The following ELF2 variants were observed in gnomAD, a reference collection of about 807,000 sequenced individuals.
ELF2 encodes E74 like ETS transcription factor 2, also known as ETS-related transcription factor Elf-2.
Under a neutral mutation model 54.8 loss-of-function variants are expected in ELF2, and 11 were observed. The observed-to-expected ratio is 0.20, with a 90% CI of 0.13 to 0.33. ELF2 has a LOEUF of 0.33. ELF2 is among the 10% of genes least tolerant of loss of function. The pLI, the probability that ELF2 is intolerant of heterozygous loss-of-function variation, is 1.00. For synonymous variants in ELF2, 203 were observed against 245.1 expected (o/e 0.83, Z 1.61); for missense variants, 513 against 703.0 (o/e 0.73, Z 3.06).
chr4:139,097,970 G>T (rs925140010), intron 4 of ELF2, among the ~76,000 whole-genome samples: 2 of 152,140 alleles, frequency 1.3e-5, no homozygotes, highest in Non-Finnish European at 2.9e-5. Context: ...AAAGCACTAG[G>T]ATTACCGGCA....
chr4:139,128,960 A>T (rs1560844031), intron 3 of ELF2, among the ~76,000 whole-genome samples: 1 of 151,698 alleles, frequency 6.6e-6, no homozygotes, highest in Non-Finnish European at 1.5e-5. Context: ...TCTTTTTTGA[A>T]ATGGAGTTTC....
At chr4:139,164,124 G>C (rs1483822444) in intron 1 of ELF2, among the ~76,000 whole-genome samples, 7 of 146,838 alleles carry the variant, frequency 4.8e-5, no homozygotes, top group Non-Finnish European at 9.0e-5. Flanking sequence ...GGAAGGGAGA[G>C]AGAGAAAGAG....
intron 1 of ELF2, among the ~76,000 whole-genome samples, chr4:139,153,071 G>C (rs764533983): frequency 1.3e-5 from 2 of 151,600 alleles, no homozygotes; most frequent in Non-Finnish European, 2.9e-5. Flanking sequence ...TGTAAAATAG[G>C]CATAATTATC....
At position 139,151,242 on chromosome 4, in the gene ELF2, A is replaced by G. The variant is rs190773581; in HGVS notation, c.-251-11745T>C. Among the ~76,000 whole-genome samples, 27 of 152,258 alleles carry G rather than the reference A, an allele frequency of 1.8e-4. No homozygotes were observed. In the East Asian group the frequency reaches 5.2e-3, roughly 29 times the overall value. On this transcript the variant is annotated intron_variant, in intron 1 of 9. Coordinates refer to ENST00000686138, the MANE Select transcript of ELF2 (RefSeq NM_001331036.3). ...ATGAAATATTCCTAAAAATCAGAAG[A>G]AAATATAGAATATCTTCATGAACTC... is the stretch of plus-strand genomic sequence containing the variant.
chr4:139,067,853 T>C (rs1283557950), intron 6 of ELF2, 83 bp from the exon 7 acceptor site: 58 of 1,307,924 alleles, frequency 4.4e-5, no homozygotes, highest in Non-Finnish European at 6.0e-5. Context: ...TGATTACACA[T>C]TATTCATTTA....
Position 139,059,615 on chromosome 4 carries a change from A to T in ELF2, c.1158-8T>A. 1 of 1,593,692 alleles carries T rather than the reference A, an allele frequency of 6.3e-7. No homozygotes were observed. Among genetic ancestry groups the T allele is most frequent in the Non-Finnish European group, 8.5e-7 (1 of 1,172,384 alleles). ...ATTGCCACACGAACTGTCCTAGTAC[A>T]TTAGAAAGAAAAAAGCTGATTATAT... is the stretch of plus-strand genomic sequence containing the variant. On this transcript the variant is annotated splice_polypyrimidine_tract_variant and splice_region_variant and intron_variant, in intron 9 of 9. Transcript: ENST00000686138.
intron 3 of ELF2, among the ~76,000 whole-genome samples, chr4:139,130,197 A>G (rs1049775177): frequency 6.6e-6 from 1 of 152,042 alleles, no homozygotes; most frequent in Admixed American, 6.6e-5. Flanking sequence ...GAGGCATTAA[A>G]GAGATTCTCC....
At chr4:139,103,050 G>C (rs1734070949) in intron 4 of ELF2, among the ~76,000 whole-genome samples, 1 of 151,982 alleles carries the variant, frequency 6.6e-6, no homozygotes, top group Non-Finnish European at 1.5e-5. Flanking sequence ...ACTAATTTTT[G>C]TATTTTTTGT....
intron 8 of ELF2, 126 bp from the exon 9 acceptor site, chr4:139,060,800 G>T: frequency 1.2e-6 from 1 of 800,218 alleles, no homozygotes; most frequent in Non-Finnish European, 1.9e-6. Context: ...TAACAGATGA[G>T]AAAAAAACAA....
intron 6 of ELF2, among the ~76,000 whole-genome samples, chr4:139,069,848 A>AT (rs72007760): frequency 0.22 from 31,818 of 147,482 alleles, 4,425 homozygotes; most frequent in East Asian, 0.57. Flanking sequence ...GGTTACATGT[A>AT]TTTTTTTTTT....
chr4:139,167,901 C>CA (rs1185259317), intron 1 of ELF2, among the ~76,000 whole-genome samples: 7 of 152,170 alleles, frequency 4.6e-5, no homozygotes, highest in Admixed American at 6.5e-5. Context: ...GAGACTCTTA[C>CA]CCCTCTTAAG....
At chr4:139,136,567 T>C (rs1738175146) in intron 3 of ELF2, among the ~76,000 whole-genome samples, 1 of 151,784 alleles carries the variant, frequency 6.6e-6, no homozygotes, top group African/African-American at 2.4e-5. Context: ...TTTTTTAATA[T>C]AGAAAACTCT....
In ELF2 at chr4:139,060,551, ATCT is replaced by A; in HGVS notation, c.927_929del (p.Glu309del). Reference sequence around the variant, plus strand: ...ATTTTTCATCAGTAGTTCCTGCTAAATCTTCATTACAGGTTTCACTTTTGTCAT... The same window carrying A: ...ATTTTTCATCAGTAGTTCCTGCTAAATCATTACAGGTTTCACTTTTGTCAT... On this transcript the variant is annotated inframe_deletion, in exon 9 of 10. Coordinates refer to ENST00000686138, the MANE Select transcript of ELF2 (RefSeq NM_001331036.3). 2 of 1,614,204 alleles carry A rather than the reference ATCT, an allele frequency of 1.2e-6. No homozygotes were observed. Among genetic ancestry groups the A allele is most frequent in the Non-Finnish European group, 8.5e-7 (1 of 1,180,028 alleles).
At chr4:139,077,451 T>C (rs1276486278) in intron 4 of ELF2, among the ~76,000 whole-genome samples, 1 of 152,216 alleles carries the variant, frequency 6.6e-6, no homozygotes, top group African/African-American at 2.4e-5. Context: ...TATCTCATCA[T>C]TTTTATTTAC....
chr4:139,115,280 C>A (rs1431791690), intron 4 of ELF2: 4 of 1,600,000 alleles, frequency 2.5e-6, no homozygotes, highest in East Asian at 2.2e-5. Flanking sequence ...CCGGGGGGGG[C>A]TCTGAAAGTA....
In ELF2 at chr4:139,073,444, G is replaced by T; in HGVS notation, c.352+10C>A. 1 of 1,581,114 alleles carries T rather than the reference G, an allele frequency of 6.3e-7. No homozygotes were observed. The highest frequency in any genetic ancestry group is 8.6e-7 in the Non-Finnish European group (1 of 1,160,756). ...GACACGTTTAACATAAGAATGAACAGTTTACATACCAGGACTTCTTGAATC... is the reference window on the plus strand; with the variant it reads ...GACACGTTTAACATAAGAATGAACATTTTACATACCAGGACTTCTTGAATC... On this transcript the variant is annotated intron_variant, in intron 5 of 9. Transcript: ENST00000686138.
intron 3 of ELF2, among the ~76,000 whole-genome samples, chr4:139,134,313 TC>T (rs1560850629): frequency 6.6e-6 from 1 of 152,164 alleles, no homozygotes; most frequent in Non-Finnish European, 1.5e-5. Context: ...ATTATGGCAT[TC>T]TACCATTTAT....
At chr4:139,132,873 T>TATAA (rs1235602219) in intron 3 of ELF2, among the ~76,000 whole-genome samples, 3 of 87,994 alleles carry the variant, frequency 3.4e-5, no homozygotes, top group Admixed American at 1.1e-4. Context: ...TATATATATA[T>TATAA]AAAATATGTA....
intron 4 of ELF2, among the ~76,000 whole-genome samples, chr4:139,121,095 A>ATTTTTTTTTTTTT (rs10711256): frequency 4.6e-5 from 3 of 65,068 alleles, no homozygotes; most frequent in African/African-American, 1.5e-4. Flanking sequence ...TATAACACAG[A>ATTTTTTTTTTTTT]TTTTTTTTTT....
Sources: gnomAD v4.1 joint callset for allele counts (sites outside exome capture counted in the v4.1 genomes callset) on GRCh38, gnomAD v4.1.1 for gene constraint, MANE v1.5 for transcripts, NCBI Gene and HGNC (gene_info 2026-07-23, HGNC 2026-07-21) for gene names.